RAB13: variants seen among roughly 807,000 people sequenced by gnomAD.
RAB13 encodes the protein ras-related protein Rab-13.
RAB13 carries 15 observed loss-of-function variants against 29.3 expected under a neutral mutation model. The observed-to-expected ratio is 0.51, with a 90% CI of 0.34 to 0.79. RAB13 has a LOEUF of 0.79. Among genes scored for constraint, RAB13 ranks in the 30% least tolerant of loss-of-function variants. RAB13 has a pLI of 0.01. For missense variants in RAB13, 186 were observed against 255.5 expected (o/e 0.73, Z 1.85); for synonymous variants, 82 against 93.8 (o/e 0.87, Z 0.73).
upstream of RAB13, among the ~76,000 whole-genome samples, chr1:153,989,914 T>A (rs1316740391): frequency 6.0e-5 from 9 of 150,524 alleles, no homozygotes; most frequent in South Asian, 4.2e-4. Flanking sequence ...AAAATAAAAA[T>A]AAAAAAAAAG....
chr1:153,986,477 T>C (rs530763128), upstream of RAB13: 3 of 503,944 alleles, frequency 6.0e-6, no homozygotes, highest in South Asian at 5.2e-5. Context: ...TTTCCCTTCC[T>C]AGCTTAGGCC....
chr1:153,983,366 C>T (rs372931300), intron 3 of RAB13, 70 bp from the exon 4 acceptor site: 76 of 1,506,248 alleles, frequency 5.0e-5, no homozygotes, highest in East Asian at 2.7e-4. Flanking sequence ...TAAGTGACCC[C>T]GCATCCATGG....
chr1:153,983,175 C>A (rs747583449), intron 4 of RAB13, 44 bp downstream of exon 4: 2 of 1,538,322 alleles, frequency 1.3e-6, no homozygotes, highest in Non-Finnish European at 1.8e-6. Flanking sequence ...CCTTCATTCT[C>A]CAGGTTCTAA....
At position 153,982,566 on chromosome 1, in the gene RAB13, G is replaced by A. The variant is rs755725192; in HGVS notation, c.449C>T (p.Thr150Ile). ...AREHGIRFFE[T>I]SAKSSMNVDE... is the part of the protein sequence containing the mutation. Reference sequence around the variant, plus strand: ...CACATTCATACTGGATTTAGCACTAGTTTCGAAAAATCGGATTCCATGCTC... The same window carrying A: ...CACATTCATACTGGATTTAGCACTAATTTCGAAAAATCGGATTCCATGCTC... Residue 150 changes from threonine to isoleucine, a missense_variant, in exon 6 of 8, where the codon ACT becomes ATT. Thr to Ile is a moderately conservative substitution (Grantham distance 89, BLOSUM62 -1). Transcript: ENST00000368575. 1 of 1,613,878 alleles carries A rather than the reference G, an allele frequency of 6.2e-7. No homozygotes were observed. Among genetic ancestry groups the A allele is most frequent in the South Asian group, 1.1e-5 (1 of 91,068 alleles).
chr1:153,984,631 G>C, intron 2 of RAB13, 90 bp downstream of exon 2: 2 of 1,200,996 alleles, frequency 1.7e-6, no homozygotes, highest in Non-Finnish European at 2.4e-6. Flanking sequence ...GAGCAATGGG[G>C]AAAGGAAGAG....
At chr1:153,985,715 A>G (rs941428560) in intron 1 of RAB13, among the ~76,000 whole-genome samples, 8 of 137,716 alleles carry the variant, frequency 5.8e-5, no homozygotes, top group Non-Finnish European at 8.2e-5. Context: ...CAAGACAGAA[A>G]GAGGCTAGCA....
upstream of RAB13, among the ~76,000 whole-genome samples, chr1:153,987,528 A>AAAAAAAAAAAAAAAAAAG (rs570485139): frequency 6.3e-5 from 8 of 127,520 alleles, no homozygotes; most frequent in Admixed American, 1.9e-4. Flanking sequence ...AAAAAAAAAA[A>AAAAAAAAAAAAAAAAAAG]AAAGAAAGAA....
chr1:153,986,322 G>A lies in RAB13; in HGVS notation c.-86C>T. 1.8e-6 allele frequency: 2 copies of A among 1,139,882 alleles called. No homozygotes were observed. Among genetic ancestry groups the A allele is most frequent in the Non-Finnish European group, 2.6e-6 (2 of 778,240 alleles). 70.6% of individuals were successfully genotyped at this position (1,139,882 alleles called of 1,614,324 possible). ...GGACGGTTGGCAAACAGAGCGGCAC[G>A]GAGCCCAGGCCAGGAAGAAGTTTTC... On this transcript the variant is annotated 5_prime_UTR_variant, in exon 1 of 8. Coordinates refer to ENST00000368575, the MANE Select transcript of RAB13 (RefSeq NM_002870.5).
rs776709028 is a variant in RAB13 at position 153,983,270 on chromosome 1, C to G, written c.273G>C (p.Thr91=). Residue 91 remains threonine (T), a synonymous_variant, in exon 4 of 8, where the codon ACG becomes ACC. Transcript: ENST00000368575. ...AMGIILVYDI[T]DEKSFENIQN... ...GAATATTCTCGAAAGATTTCTCATCCGTGATGTCGTATACTAGGATAATGC... is the reference window on the plus strand; with the variant it reads ...GAATATTCTCGAAAGATTTCTCATCGGTGATGTCGTATACTAGGATAATGC... The G allele has an allele frequency of 6.2e-7, 1 of 1,613,868 alleles. No individual in the cohort carries two copies. Among genetic ancestry groups the G allele is most frequent in the Non-Finnish European group, 8.5e-7 (1 of 1,179,910 alleles).
In RAB13 at chr1:153,984,744, C is replaced by T. The variant is rs191426409; in HGVS notation, c.162G>A (p.Gly54=). 5.0e-6 allele frequency: 8 copies of T among 1,613,620 alleles called. 1 individual carries two copies. In the East Asian group the frequency reaches 1.8e-4, roughly 36 times the overall value. ...DFKIRTVDIE[G]KKIKLQVWDT... The stretch of plus-strand genomic sequence containing the variant: ...ACCAGACTTGTAGTTTGATCTTCTT[C>T]CCCTCTATATCCACAGTGCGGATCT... The change falls in exon 2 of 8, where the codon GGG becomes GGA. Residue 54 remains glycine, a synonymous_variant. Transcript: ENST00000368575.
upstream of RAB13, among the ~76,000 whole-genome samples, chr1:153,989,784 C>T (rs1172704155): frequency 2.0e-5 from 3 of 151,148 alleles, no homozygotes; most frequent in African/African-American, 7.3e-5. Context: ...CCCAGCTACT[C>T]GGGAGGCTGA....
At chr1:153,989,468 C>A (rs1286577684), upstream of RAB13, among the ~76,000 whole-genome samples, 2 of 150,122 alleles carry the variant, frequency 1.3e-5, no homozygotes, top group African/African-American at 4.9e-5. Context: ...CCAGGATGGT[C>A]TCGATCTCCT....
At chr1:153,986,480 C>T (rs935207790), upstream of RAB13, 2 of 510,718 alleles carry the variant, frequency 3.9e-6, no homozygotes, top group Non-Finnish European at 7.0e-6. Flanking sequence ...CCCTTCCTAG[C>T]TTAGGCCGGC....
intron 1 of RAB13, 49 bp downstream of exon 1, chr1:153,986,061 GAGA>G (rs1649157717): frequency 1.9e-6 from 3 of 1,609,164 alleles, no homozygotes; most frequent in African/African-American, 2.7e-5. Context: ...CCGGGAGCCG[GAGA>G]AGGAGGTCAC....
At chr1:153,983,133 A>AG (rs1571127897) in intron 4 of RAB13, 86 bp downstream of exon 4, 2 of 1,254,726 alleles carry the variant, frequency 1.6e-6, no homozygotes, top group East Asian at 2.3e-5. Flanking sequence ...CTCAAAAAAA[A>AG]AAAAGTTAGG....
chr1:153,983,020 G>C, intron 4 of RAB13, 199 bp downstream of exon 4: 2 of 723,382 alleles, frequency 2.8e-6, no homozygotes, highest in South Asian at 3.4e-5. Context: ...AGCTACTTGG[G>C]AGGCTGAGGC....
upstream of RAB13, among the ~76,000 whole-genome samples, chr1:153,989,407 GC>G (rs1649285326): frequency 6.6e-6 from 1 of 150,606 alleles, no homozygotes; most frequent in South Asian, 2.1e-4. Context: ...CCGCCACCGC[GC>G]CCGGCTAATT....
chr1:153,986,846 C>T (rs980716827), upstream of RAB13, among the ~76,000 whole-genome samples: 1 of 152,140 alleles, frequency 6.6e-6, no homozygotes, highest in Non-Finnish European at 1.5e-5. Context: ...TCTATGGGTC[C>T]CAATTCACTT....
Position 153,986,217 on chromosome 1 carries a change from T to C in RAB13, c.20A>G (p.His7Arg), listed in dbSNP as rs758700181. 2.5e-6 allele frequency: 4 copies of C among 1,612,746 alleles called. No individual in the cohort carries two copies. The highest frequency in any genetic ancestry group is 2.7e-5 in the African/African-American group (2 of 74,880). The change falls in exon 1 of 8, where the codon CAC becomes CGC. Residue 7 changes from histidine (H) to arginine (R), a missense_variant. Transcript: ENST00000368575. Reference sequence around the variant, plus strand: ...CCCGATCAGCAGCAACTTGAAGAGGTGGTCGTAGGCTTTGGCCATGGCGGA... The same window carrying C: ...CCCGATCAGCAGCAACTTGAAGAGGCGGTCGTAGGCTTTGGCCATGGCGGA... Reference protein sequence around the residue: MAKAYDHLFKLLLIGDS... With the variant: MAKAYDRLFKLLLIGDS...
Sources: allele counts gnomAD v4.1 joint callset (sites outside exome capture counted in the v4.1 genomes callset), GRCh38; gene constraint gnomAD v4.1.1; transcripts MANE v1.5; gene names NCBI Gene and HGNC (gene_info 2026-07-23, HGNC 2026-07-21).